The following NUP50 variants were observed in gnomAD, a reference collection of about 807,000 sequenced individuals.
The protein encoded by NUP50 is nucleoporin 50, also known as nuclear pore complex protein Nup50.
NUP50 carries 14 observed loss-of-function variants against 36.8 expected under a neutral mutation model. The ratio of observed to expected loss-of-function variants is 0.38; its 90% confidence interval spans 0.25 to 0.59. NUP50 has a LOEUF of 0.59. NUP50 is among the 20% of genes least tolerant of loss of function. The pLI, the probability that NUP50 is intolerant of heterozygous loss-of-function variation, is 0.63. For synonymous variants in NUP50, 195 were observed against 210.8 expected (o/e 0.93, Z 0.65); for missense variants, 455 against 564.6 (o/e 0.81, Z 1.97).
intron 5 of NUP50, among the ~76,000 whole-genome samples, chr22:45,181,080 G>A (rs544255145): frequency 7.8e-4 from 116 of 149,478 alleles, no homozygotes; most frequent in African/African-American, 2.7e-3. Flanking sequence ...CCCATTAAAA[G>A]GGATTCTTAT....
At chr22:45,176,607 C>T (rs531508397) in intron 4 of NUP50, among the ~76,000 whole-genome samples, 4 of 152,182 alleles carry the variant, frequency 2.6e-5, no homozygotes, top group Admixed American at 6.5e-5. Flanking sequence ...AATAGGATCA[C>T]GGGTTAAAAG....
chr22:45,171,346 C>T (rs1179665080), intron 2 of NUP50, among the ~76,000 whole-genome samples: 2 of 152,150 alleles, frequency 1.3e-5, no homozygotes, highest in Admixed American at 1.3e-4. Flanking sequence ...ATTACAGGTG[C>T]CCACCACCAT....
At chr22:45,167,228 C>G (rs1012180102) in intron 1 of NUP50, among the ~76,000 whole-genome samples, 2 of 152,240 alleles carry the variant, frequency 1.3e-5, no homozygotes, top group African/African-American at 4.8e-5. Flanking sequence ...CAAAACTAAT[C>G]AGTAAGTTTT....
rs1018431780 is a variant in NUP50, at chr22:45,184,759, T to C, written c.*104T>C. 40 of 818,552 alleles carry C rather than the reference T, an allele frequency of 4.9e-5. No homozygotes were observed. The highest frequency in any genetic ancestry group is 2.1e-4 in the East Asian group (8 of 38,956). The allele number at this position is 818,552 out of a possible 1,614,324, so 50.7% of individuals were successfully genotyped here. ...TCTTCTTTGACATTCTAAGAACTTA[T>C]AGATAACTTAAAACTTTTGTGAGGA... On this transcript the variant is annotated 3_prime_UTR_variant, in exon 8 of 8. Transcript: ENST00000347635.
intron 2 of NUP50, among the ~76,000 whole-genome samples, chr22:45,169,540 A>G (rs1229694640): frequency 1.3e-5 from 2 of 152,264 alleles, no homozygotes; most frequent in African/African-American, 2.4e-5. Flanking sequence ...GGCATTATCA[A>G]TCATTAGTAT....
At chr22:45,170,318 C>CT (rs2074168322) in intron 2 of NUP50, among the ~76,000 whole-genome samples, 1 of 148,030 alleles carries the variant, frequency 6.8e-6, no homozygotes, top group African/African-American at 2.5e-5. Flanking sequence ...CTTACAATCT[C>CT]TGTTTCCCCC....
intron 3 of NUP50, among the ~76,000 whole-genome samples, chr22:45,175,428 C>G (rs2074261603): frequency 6.6e-6 from 1 of 152,186 alleles, no homozygotes; most frequent in African/African-American, 2.4e-5. Flanking sequence ...TTGCAAGCCA[C>G]AGATGTTAAG....
At chr22:45,179,362 A>G (rs2074330571) in intron 5 of NUP50, 1 of 154,760 alleles carries the variant, frequency 6.5e-6, no homozygotes, top group Admixed American at 6.4e-5. Flanking sequence ...TAGAGAAGAA[A>G]TCAACATTGT....
At position 45,185,383 on chromosome 22, in the gene NUP50, AG is replaced by A. The variant is rs2074453734; in HGVS notation, c.*733del. 1 of 152,642 alleles carries A rather than the reference AG, an allele frequency of 6.6e-6. No individual in the cohort carries two copies. The highest frequency in any genetic ancestry group is 1.5e-5 in the Non-Finnish European group (1 of 68,128). The allele number at this position is 152,642 out of a possible 1,614,324, so 9.5% of individuals were successfully genotyped here. On this transcript the variant is annotated 3_prime_UTR_variant, in exon 8 of 8. Coordinates refer to ENST00000347635, the MANE Select transcript of NUP50 (RefSeq NM_007172.4). ...CCCCCTAAAGACAAAATGAAGATAAAGGGGGATTGCCAGGAATGGGTTTAAA... is the reference window on the plus strand; with the variant it reads ...CCCCCTAAAGACAAAATGAAGATAAAGGGGATTGCCAGGAATGGGTTTAAA...
chr22:45,182,402 A>C (rs2074387107), intron 6 of NUP50, among the ~76,000 whole-genome samples: 1 of 152,190 alleles, frequency 6.6e-6, no homozygotes, highest in Admixed American at 6.5e-5. Flanking sequence ...AGATCATGCC[A>C]CTGCACTCCA....
intron 3 of NUP50, chr22:45,171,934 GC>G (rs1421350613): frequency 6.9e-6 from 3 of 432,270 alleles, no homozygotes; most frequent in African/African-American, 5.9e-5. Flanking sequence ...AGAAAAATGA[GC>G]AAAGCAATAC....
rs968238352 is a variant in NUP50 at position 45,187,044 on chromosome 22, A to C, written c.*2389A>C. The C allele has an allele frequency of 3.9e-5, 6 of 152,236 alleles. No homozygotes were observed. Among genetic ancestry groups the C allele is most frequent in the African/African-American group, 1.4e-4 (6 of 41,474 alleles). The allele number at this position is 152,236 out of a possible 1,614,324, so 9.4% of individuals were successfully genotyped here. A position where few individuals can be genotyped will look rare whatever the true frequency, so the allele number is the denominator to read the frequency against. The stretch of plus-strand genomic sequence containing the variant: ...GCTTTAAAATGTTTAATGTGGACTG[A>C]AATTTTCATCTTTTGTTTGAGAATC... On this transcript the variant is annotated 3_prime_UTR_variant, in exon 8 of 8. Transcript: ENST00000347635.
At chr22:45,183,085 CGGGGGGGGGGG>C (rs60488848) in intron 6 of NUP50, among the ~76,000 whole-genome samples, 2 of 114,136 alleles carry the variant, frequency 1.8e-5, no homozygotes. Context: ...GGGTTGGGGG[CGGGGGGGGGGG>C]GGGGTTGGTG....
chr22:45,185,219 G>A lies in NUP50; in HGVS notation c.*564G>A, dbSNP rs1434915502. On this transcript the variant is annotated 3_prime_UTR_variant, in exon 8 of 8. Transcript: ENST00000347635. ...GTACTAAGTGTTCACCTCAGCGTTCGAATCATTGGCCTGTAACCCTGTGGG... is the reference window on the plus strand; with the variant it reads ...GTACTAAGTGTTCACCTCAGCGTTCAAATCATTGGCCTGTAACCCTGTGGG... The A allele has an allele frequency of 6.4e-6, 1 of 156,172 alleles. No homozygotes were observed. The highest frequency in any genetic ancestry group is 2.4e-5 in the African/African-American group (1 of 41,438). 9.7% of individuals were successfully genotyped at this position (156,172 alleles called of 1,614,324 possible).
intron 7 of NUP50, chr22:45,183,826 T>G: frequency 3.4e-6 from 1 of 296,756 alleles, no homozygotes; most frequent in Non-Finnish European, 6.4e-6. Context: ...GAATCCTTTT[T>G]ATATAGCAAG....
intron 6 of NUP50, 128 bp from the exon 7 acceptor site, chr22:45,183,274 T>G: frequency 1.6e-6 from 1 of 621,400 alleles, no homozygotes; most frequent in East Asian, 2.6e-5. Flanking sequence ...AATTAAAGAT[T>G]TATCCTGAAG....
intron 4 of NUP50, chr22:45,177,659 C>T: frequency 6.5e-6 from 1 of 153,244 alleles, no homozygotes; most frequent in African/African-American, 2.4e-5. Flanking sequence ...CGCCCGATCA[C>T]ATCTCAGATA....
intron 1 of NUP50, among the ~76,000 whole-genome samples, chr22:45,165,212 C>T (rs2074076652): frequency 6.6e-6 from 1 of 152,194 alleles, no homozygotes; most frequent in Admixed American, 6.5e-5. Flanking sequence ...TGGTTTTTTA[C>T]CCACAAACGC....
Position 45,169,225 on chromosome 22 carries a change from C to T in NUP50, c.69+979C>T, listed in dbSNP as rs149810499. 3.9e-3 allele frequency among the ~76,000 whole-genome samples: 599 copies of T among 152,260 alleles called. 5 individuals are homozygous for T. The highest frequency in any genetic ancestry group is 0.014 in the African/African-American group (568 of 41,550). On this transcript the variant is annotated intron_variant, in intron 2 of 7. Transcript: ENST00000347635. ...CCCCCCAAAAAATTGTTTTAATTAG[C>T]TGAACATGGTGGCATGAGCCTATAG...
Sources: allele counts gnomAD v4.1 joint callset (sites outside exome capture counted in the v4.1 genomes callset), GRCh38; gene constraint gnomAD v4.1.1; transcripts MANE v1.5; gene names NCBI Gene and HGNC (gene_info 2026-07-23, HGNC 2026-07-21).